Variants in PDE4D observed in about 807,000 individuals in gnomAD.
PDE4D encodes phosphodiesterase 4D.
Under a neutral mutation model 87.4 loss-of-function variants are expected in PDE4D, and 24 were observed. That is an observed-to-expected ratio of 0.27 (90% confidence interval 0.20 to 0.39). The LOEUF is 0.39. Ranked by LOEUF, PDE4D falls within the 10% of genes least tolerant of loss-of-function variation. The pLI, the probability that PDE4D is intolerant of heterozygous loss-of-function variation, is 1.00. For missense variants in PDE4D, 714 were observed against 1,041.0 expected, an observed-to-expected ratio of 0.69 and a Z score of 4.32; for synonymous variants, 384 against 383.2, an observed-to-expected ratio of 1.00 and a Z score of -0.02.
chr5:59,076,205 T>C (rs1055945891), intron 5 of PDE4D, among the ~76,000 whole-genome samples: 3 of 152,154 alleles, frequency 2.0e-5, no homozygotes, highest in African/African-American at 7.2e-5. Context: ...TACTTTACAC[T>C]GATATTTACA....
Position 60,157,645 on chromosome 5 carries a change from AAGAT to A in PDE4D, c.42+27908_42+27911del, listed in dbSNP as rs778797137. On this transcript the variant is annotated intron_variant, in intron 2 of 16. Coordinates refer to the PDE4D transcript ENST00000502484. ...TGTTCTCTTAAATTGTGATCCAAAA[AAGAT>A]AGCCAACATTAACAGTATTTGGATC... Among the ~76,000 whole-genome samples the A allele has an allele frequency of 4.6e-5, 7 of 152,178 alleles. No individual in the cohort carries two copies. The East Asian group carries it at 1.2e-3, about 25-fold the overall frequency.
intron 1 of PDE4D, among the ~76,000 whole-genome samples, chr5:59,750,411 TC>T (rs1200820154): frequency 6.6e-6 from 1 of 151,798 alleles, no homozygotes; most frequent in East Asian, 1.9e-4. Context: ...TTCTATAACT[TC>T]CCCCCTCCCT....
intron 1 of PDE4D, among the ~76,000 whole-genome samples, chr5:59,508,447 A>G (rs1379912686): frequency 2.0e-5 from 3 of 152,208 alleles, no homozygotes; most frequent in African/African-American, 7.2e-5. Context: ...ACATGCAGTT[A>G]CTTAAATTAT....
chr5:59,876,179 C>T (rs1748579799), intron 1 of PDE4D, among the ~76,000 whole-genome samples: 1 of 152,052 alleles, frequency 6.6e-6, no homozygotes, highest in African/African-American at 2.4e-5. Context: ...AGGTCTGCAT[C>T]TAGAGAAAAG....
intron 3 of PDE4D, among the ~76,000 whole-genome samples, chr5:59,911,880 A>G (rs1753478171): frequency 6.6e-6 from 1 of 152,222 alleles, no homozygotes; most frequent in Non-Finnish European, 1.5e-5. Context: ...CTTAGTTTCT[A>G]TGACCAAAAC....
intron 2 of PDE4D, among the ~76,000 whole-genome samples, chr5:60,097,590 T>C (rs774902222): frequency 1.4e-4 from 21 of 152,140 alleles, no homozygotes; most frequent in African/African-American, 2.6e-4. Context: ...TGAGGTGACA[T>C]AGTAAATTTG....
At chr5:59,567,903 G>T (rs979160496) in intron 1 of PDE4D, among the ~76,000 whole-genome samples, 1 of 152,138 alleles carries the variant, frequency 6.6e-6, no homozygotes. Flanking sequence ...CTTCCTGATT[G>T]TTAGATATGT....
intron 1 of PDE4D, among the ~76,000 whole-genome samples, chr5:59,572,626 G>A (rs1583174625): frequency 6.6e-6 from 1 of 151,974 alleles, no homozygotes; most frequent in African/African-American, 2.4e-5. Flanking sequence ...GACTACAGGC[G>A]CCCGCCACCA....
chr5:59,248,906 G>A (rs1386202046), intron 1 of PDE4D, among the ~76,000 whole-genome samples: 2 of 151,712 alleles, frequency 1.3e-5, no homozygotes, highest in Admixed American at 6.6e-5. Flanking sequence ...TCACAAATAC[G>A]GAAAATGTAG....
At chr5:59,189,491 T>G (rs1247736123) in intron 3 of PDE4D, among the ~76,000 whole-genome samples, 1 of 152,128 alleles carries the variant, frequency 6.6e-6, no homozygotes, top group African/African-American at 2.4e-5. Context: ...CATTTAACAT[T>G]ACACACTTCC....
chr5:59,337,756 T>C (rs891941083), intron 1 of PDE4D, among the ~76,000 whole-genome samples: 2 of 152,190 alleles, frequency 1.3e-5, no homozygotes, highest in African/African-American at 4.8e-5. Flanking sequence ...ACAGTTCTAC[T>C]AGAACATCTG....
chr5:59,613,774 T>C (rs73099659), intron 1 of PDE4D, among the ~76,000 whole-genome samples: 3,454 of 152,212 alleles, frequency 0.023, 121 homozygotes, highest in African/African-American at 0.079. Flanking sequence ...AAATTTAATT[T>C]GCATATTTTG....
intron 1 of PDE4D, among the ~76,000 whole-genome samples, chr5:59,380,388 CAAAA>C (rs10574102): frequency 5.5e-5 from 6 of 108,952 alleles, no homozygotes; most frequent in East Asian, 3.1e-4. Flanking sequence ...CAAAAGCAAT[CAAAA>C]AAAAAAAAAA....
chr5:59,846,494 A>G (rs1743874107), intron 1 of PDE4D, among the ~76,000 whole-genome samples: 1 of 152,054 alleles, frequency 6.6e-6, no homozygotes, highest in Admixed American at 6.6e-5. Context: ...CTTATCATAT[A>G]TGTTTTAAAT....
chr5:59,904,588 A>C (rs892238120), intron 3 of PDE4D, among the ~76,000 whole-genome samples: 1 of 152,206 alleles, frequency 6.6e-6, no homozygotes, highest in African/African-American at 2.4e-5. Flanking sequence ...TCAAGTGATA[A>C]CAAATGTGAT....
At chr5:60,473,462 T>C (rs1362967797) in intron 1 of PDE4D, among the ~76,000 whole-genome samples, 1 of 152,216 alleles carries the variant, frequency 6.6e-6, no homozygotes, top group East Asian at 1.9e-4. Context: ...CTTAATAATA[T>C]GTATATGTTA....
At chr5:59,037,084 A>T (rs959253865) in intron 6 of PDE4D, among the ~76,000 whole-genome samples, 5 of 152,198 alleles carry the variant, frequency 3.3e-5, no homozygotes, top group Non-Finnish European at 5.9e-5. Flanking sequence ...GACCTAAAAA[A>T]TTTTTAAATC....
intron 1 of PDE4D, among the ~76,000 whole-genome samples, chr5:59,633,039 T>C (rs934427991): frequency 4.6e-5 from 7 of 152,044 alleles, no homozygotes; most frequent in Admixed American, 1.3e-4. Flanking sequence ...GAGAAGAACA[T>C]AAATAACCTG....
intron 1 of PDE4D, among the ~76,000 whole-genome samples, chr5:59,799,052 C>A (rs937032706): frequency 1.3e-5 from 2 of 152,114 alleles, no homozygotes; most frequent in African/African-American, 4.8e-5. Context: ...CCCCAGTTGA[C>A]CCCCAGGGGA....
Sources: allele counts gnomAD v4.1 joint callset (sites outside exome capture counted in the v4.1 genomes callset), GRCh38; gene constraint gnomAD v4.1.1; transcripts MANE v1.5; gene names NCBI Gene and HGNC (gene_info 2026-07-23, HGNC 2026-07-21).